Variants in S100PBP observed in about 807,000 individuals in gnomAD.
S100PBP encodes the protein S100P binding protein, also known as S100P-binding protein.
A neutral mutation model predicts 39.9 loss-of-function variants in S100PBP; 15 were observed. The ratio of observed to expected loss-of-function variants is 0.38; its 90% CI spans 0.25 to 0.58. The LOEUF (loss-of-function observed/expected upper bound fraction) is 0.58. Among genes scored for constraint, S100PBP ranks in the 20% least tolerant of loss-of-function variants. S100PBP has a pLI of 0.70. For missense variants in S100PBP, 504 were observed against 487.3 expected (o/e 1.03, Z -0.32); for synonymous variants, 178 against 180.3 (o/e 0.99, Z 0.10).
At chr1:32,832,065 G>C (rs1358629699) in intron 5 of S100PBP, among the ~76,000 whole-genome samples, 1 of 152,136 alleles carries the variant, frequency 6.6e-6, no homozygotes, top group East Asian at 1.9e-4. Flanking sequence ...GTAAAGTCTA[G>C]TCTAGAGTTA....
Position 32,828,015 on chromosome 1 carries a change from C to G in S100PBP, c.854C>G (p.Ser285Cys). 1 of 1,610,372 alleles carries G rather than the reference C, an allele frequency of 6.2e-7. No homozygotes were observed. The highest frequency in any genetic ancestry group is 2.2e-5 in the East Asian group (1 of 44,624). The change falls in exon 4 of 7, where the codon TCT becomes TGT. Residue 285 changes from serine (S) to cysteine (C), a missense_variant. Transcript: ENST00000373475. ...AAGCAGGATGTTCTTAACAAGGATTCTGGGAAGATGAAAGGCCATGAGAGA... is the reference window on the plus strand; with the variant it reads ...AAGCAGGATGTTCTTAACAAGGATTGTGGGAAGATGAAAGGCCATGAGAGA... ...SNKQDVLNKD[S>C]GKMKGHERRL... is the part of the protein sequence containing the mutation.
chr1:32,839,094 C>G (rs112598950), intron 5 of S100PBP, among the ~76,000 whole-genome samples: 2 of 152,292 alleles, frequency 1.3e-5, no homozygotes, highest in African/African-American at 4.8e-5. Flanking sequence ...GCACCCACTA[C>G]AAATCCATAG....
rs891046129 is a variant in S100PBP at position 32,856,576 on chromosome 1, A to C, written c.*538A>C. ...TTTAAAGTTGGCAATCCAGGACATT[A>C]TAAGTAGGATGGAGCAGGAGAAGAA... On this transcript the variant is annotated 3_prime_UTR_variant, in exon 7 of 7. Coordinates refer to ENST00000373475, the MANE Select transcript of S100PBP (RefSeq NM_022753.4). The C allele has an allele frequency of 6.5e-6, 1 of 152,800 alleles. No homozygotes were observed. The highest frequency in any genetic ancestry group is 1.5e-5 in the Non-Finnish European group (1 of 68,158). The allele number at this position is 152,800 out of a possible 1,614,324, so 9.5% of individuals were successfully genotyped here.
intron 5 of S100PBP, among the ~76,000 whole-genome samples, chr1:32,831,980 A>G (rs983768664): frequency 2.0e-5 from 3 of 152,206 alleles, no homozygotes; most frequent in African/African-American, 7.2e-5. Flanking sequence ...CAGTATTACC[A>G]CAACAATCTA....
rs553947001 is a variant in S100PBP, at chr1:32,852,833, C to T, written c.1025-246C>T. Reference sequence around the variant, plus strand: ...ATATTCCTAGGGACAAGTAAAGTTCCCTGTATATTGTAGGAGCTAAGTGTT... The same window carrying T: ...ATATTCCTAGGGACAAGTAAAGTTCTCTGTATATTGTAGGAGCTAAGTGTT... On this transcript the variant is annotated intron_variant, in intron 5 of 6. Coordinates refer to ENST00000373475, the MANE Select transcript of S100PBP (RefSeq NM_022753.4). 7.4e-4 allele frequency: 327 copies of T among 441,488 alleles called. 1 individual carries two copies. The highest frequency in any genetic ancestry group is 6.8e-4 in the Admixed American group (18 of 26,648). 27.3% of individuals were successfully genotyped at this position (441,488 alleles called of 1,614,324 possible).
At chr1:32,816,930 G>A (rs1638757691), upstream of S100PBP, 2 of 595,644 alleles carry the variant, frequency 3.4e-6, no homozygotes, top group Non-Finnish European at 6.0e-6. Context: ...GGGGTGGAAT[G>A]GGAGTCCTGG....
chr1:32,851,878 A>G (rs571845375), intron 5 of S100PBP, among the ~76,000 whole-genome samples: 46 of 152,332 alleles, frequency 3.0e-4, no homozygotes, highest in African/African-American at 1.1e-3. Context: ...AAATTTGCGA[A>G]CCACTGGTCT....
chr1:32,836,429 G>A, intron 5 of S100PBP: 1 of 561,478 alleles, frequency 1.8e-6, no homozygotes, highest in Non-Finnish European at 2.3e-6. Flanking sequence ...ACTGTGCCTG[G>A]CTTGTGTTTT....
upstream of S100PBP, chr1:32,817,380 CG>C: frequency 2.8e-6 from 3 of 1,088,502 alleles, no homozygotes; most frequent in Non-Finnish European, 4.1e-6. Flanking sequence ...TCCGCTTACT[CG>C]GCCTGGACCC....
chr1:32,848,237 G>T (rs1208270658), intron 5 of S100PBP, among the ~76,000 whole-genome samples: 3 of 152,104 alleles, frequency 2.0e-5, no homozygotes, highest in Non-Finnish European at 4.4e-5. Flanking sequence ...AAACCGGAAG[G>T]CAGAGTTTGC....
intron 1 of S100PBP, among the ~76,000 whole-genome samples, chr1:32,821,718 T>C (rs1485749556): frequency 6.6e-6 from 1 of 151,284 alleles, no homozygotes; most frequent in African/African-American, 2.4e-5. Context: ...CACTGCAACC[T>C]CCGCCTCCTG....
upstream of S100PBP, chr1:32,817,526 C>G: frequency 1.7e-6 from 1 of 583,802 alleles, no homozygotes; most frequent in Non-Finnish European, 3.1e-6. Context: ...GCACAACCCT[C>G]CTAGAGGCGG....
intron 1 of S100PBP, among the ~76,000 whole-genome samples, chr1:32,824,205 C>CAAAA (rs35200829): frequency 1.5e-5 from 2 of 129,450 alleles, no homozygotes; most frequent in Admixed American, 7.5e-5. Context: ...GACTCCGTCT[C>CAAAA]AAAAAAAAAA....
At position 32,846,786 on chromosome 1, in the gene S100PBP, T is replaced by G. The variant is rs537286966; in HGVS notation, c.1025-6293T>G. The G allele has an allele frequency of 2.0e-5, 3 of 146,674 alleles. No homozygotes were observed. In the East Asian group the frequency reaches 5.9e-4, roughly 29 times the overall value. 9.1% of individuals were successfully genotyped at this position (146,674 alleles called of 1,614,324 possible). On this transcript the variant is annotated intron_variant, in intron 5 of 6. Transcript: ENST00000373475. ...ACTTTAAACAGTAAATTATCTTTCT[T>G]TTTTTTTTTTTTGAGACGGAGTTTC...
intron 1 of S100PBP, among the ~76,000 whole-genome samples, chr1:32,821,625 C>CT (rs1296167630): frequency 1.4e-5 from 2 of 140,026 alleles, no homozygotes; most frequent in Non-Finnish European, 3.1e-5. Context: ...TGGCCTGTTT[C>CT]TTTTTTCTTT....
intron 1 of S100PBP, among the ~76,000 whole-genome samples, chr1:32,821,640 C>G (rs932600210): frequency 7.5e-6 from 1 of 132,710 alleles, no homozygotes; most frequent in African/African-American, 2.8e-5. Context: ...TTCTTTCTTT[C>G]TTTTTTTTTT....
rs774170692 is a variant in S100PBP, at chr1:32,826,506, G to T, written c.407G>T (p.Arg136Leu). The T allele has an allele frequency of 6.2e-7, 1 of 1,614,040 alleles. No individual in the cohort carries two copies. The highest frequency in any genetic ancestry group is 1.1e-5 in the South Asian group (1 of 91,076). Residue 136 changes from arginine (R) to leucine (L), a missense_variant, in exon 3 of 7, where the codon CGC becomes CTC. Arg to Leu is a moderately radical substitution (Grantham distance 102). Coordinates refer to ENST00000373475, the MANE Select transcript of S100PBP (RefSeq NM_022753.4). ...GCTCATACTAAACCATTAAACAGAC[G>T]CTCTGTACTAGAAAAGAATCTTATA... Reference protein sequence around the residue: ...GPAHTKPLNRRSVLEKNLIKV... With the variant: ...GPAHTKPLNRLSVLEKNLIKV...
At chr1:32,842,689 G>C (rs1640174850) in intron 5 of S100PBP, 1 of 151,864 alleles carries the variant, frequency 6.6e-6, no homozygotes, top group Non-Finnish European at 1.5e-5. Flanking sequence ...CTGCCTCCGA[G>C]ATTCAAGCAA....
chr1:32,820,372 C>T lies in S100PBP; in HGVS notation c.-120+2683C>T, dbSNP rs187906770. 3.9e-5 allele frequency among the ~76,000 whole-genome samples: 6 copies of T among 152,196 alleles called. No individual in the cohort carries two copies. In the East Asian group the frequency reaches 1.2e-3, roughly 29 times the overall value. ...TGTTGGCCAGGCTGGTCTTGAACTC[C>T]TGACCTCAGGTGATCCACCCACCTC... On this transcript the variant is annotated intron_variant, in intron 1 of 6. Transcript: ENST00000373475.
Sources: gnomAD v4.1 joint callset for allele counts (sites outside exome capture counted in the v4.1 genomes callset) on GRCh38, gnomAD v4.1.1 for gene constraint, MANE v1.5 for transcripts, NCBI Gene and HGNC (gene_info 2026-07-23, HGNC 2026-07-21) for gene names.